KDM4D: variants seen among roughly 807,000 people sequenced by gnomAD.
The protein encoded by KDM4D is lysine demethylase 4D.
For missense variants in KDM4D, 427 were observed against 674.8 expected (o/e 0.63, Z 4.07); for synonymous variants, 254 against 249.1 (o/e 1.02, Z -0.19).
chr11:94,980,442 C>A (rs1392284875), intron 2 of KDM4D, among the ~76,000 whole-genome samples: 1 of 152,038 alleles, frequency 6.6e-6, no homozygotes, highest in Non-Finnish European at 1.5e-5. Flanking sequence ...CACAAAAATA[C>A]TTTTGGAATT....
chr11:94,984,693 TAAAAAAAA>T (rs35239329), intron 2 of KDM4D, among the ~76,000 whole-genome samples: 4 of 87,778 alleles, frequency 4.6e-5, no homozygotes, highest in Non-Finnish European at 6.8e-5. Flanking sequence ...CCATCTCTAC[TAAAAAAAA>T]AAAAAAAAAA....
rs782044576 is a variant in KDM4D, at chr11:94,997,328, A to C, written c.-45A>C. ...AAAGTAGCATTTTCCTACATTGTCA[A>C]CTATCTAGAACATACCTAAAAACTA... On this transcript the variant is annotated 5_prime_UTR_variant, in exon 3 of 3. Transcript: ENST00000335080. 2 of 1,428,652 alleles carry C rather than the reference A, an allele frequency of 1.4e-6. No individual in the cohort carries two copies. Among genetic ancestry groups the C allele is most frequent in the Non-Finnish European group, 1.9e-6 (2 of 1,078,066 alleles). 88.5% of individuals were successfully genotyped at this position (1,428,652 alleles called of 1,614,324 possible). A position where few individuals can be genotyped will look rare whatever the true frequency, so the allele number is the denominator to read the frequency against.
intron 2 of KDM4D, among the ~76,000 whole-genome samples, chr11:94,995,186 G>A (rs927711789): frequency 7.9e-5 from 12 of 152,168 alleles, no homozygotes; most frequent in African/African-American, 2.9e-4. Flanking sequence ...GATAAGTCAA[G>A]GATAGACATA....
chr11:94,974,794 T>G (rs1195691722), intron 1 of KDM4D, among the ~76,000 whole-genome samples: 1 of 152,230 alleles, frequency 6.6e-6, no homozygotes, highest in Non-Finnish European at 1.5e-5. Context: ...CTACTGCCAC[T>G]ACCCTTGCCT....
At position 94,998,606 on chromosome 11, in the gene KDM4D, A is replaced by G; in HGVS notation, c.1234A>G (p.Ser412Gly). Residue 412 changes from serine to glycine, a missense_variant, in exon 3 of 3, where the codon AGT (serine) becomes GGT (glycine). Ser to Gly is a moderately conservative substitution (Grantham distance 56). Transcript: ENST00000335080. The surrounding 1 kb of genome is among the most constrained non-coding windows in gnomAD (Gnocchi z 6.7). ...TTCACTCCCACGCCGATCTGCAGTT[A>G]GTGGCACTGCTACGCAGCCCCGGGC... ...CSSLPRRSAV[S>G]GTATQPRAAA... 6.2e-7 allele frequency: 1 copy of G among 1,614,094 alleles called. No individual in the cohort carries two copies. The highest frequency in any genetic ancestry group is 8.5e-7 in the Non-Finnish European group (1 of 1,180,024).
chr11:94,987,890 G>C (rs1857901577), intron 2 of KDM4D, among the ~76,000 whole-genome samples: 1 of 152,026 alleles, frequency 6.6e-6, no homozygotes, highest in South Asian at 2.1e-4. Context: ...AAAAGAAAAA[G>C]CATTAGGAAA....
chr11:94,989,201 T>A (rs1427782433), intron 2 of KDM4D, among the ~76,000 whole-genome samples: 3 of 152,222 alleles, frequency 2.0e-5, no homozygotes, highest in East Asian at 1.9e-4. Flanking sequence ...GGGATTTTTT[T>A]AAAAAGCTAA....
Position 94,999,041 on chromosome 11 carries a change from A to C in KDM4D, c.*97A>C. 2 of 1,205,446 alleles carry C rather than the reference A, an allele frequency of 1.7e-6. No individual in the cohort carries two copies. Among genetic ancestry groups the C allele is most frequent in the Non-Finnish European group, 2.2e-6 (2 of 910,286 alleles). The allele number at this position is 1,205,446 out of a possible 1,614,324, so 74.7% of individuals were successfully genotyped here. On this transcript the variant is annotated 3_prime_UTR_variant, in exon 3 of 3. Transcript: ENST00000335080. ...CCAAAACTTTGGTTGAGTTTGCAGG[A>C]CTCTAGGCATGCATGAAAGAGCCCC...
chr11:94,982,455 T>A (rs1555097662), intron 2 of KDM4D, among the ~76,000 whole-genome samples: 1 of 151,580 alleles, frequency 6.6e-6, no homozygotes, highest in Non-Finnish European at 1.5e-5. Context: ...TATTAAAATC[T>A]TAGATGAGTA....
intron 2 of KDM4D, among the ~76,000 whole-genome samples, chr11:94,993,515 T>C (rs587695979): frequency 1.0e-3 from 85 of 82,730 alleles, no homozygotes; most frequent in African/African-American, 2.5e-3. Context: ...TCTAAGCAGT[T>C]TTTTTTTTTT....
intron 2 of KDM4D, among the ~76,000 whole-genome samples, chr11:94,992,574 TA>T (rs781860184): frequency 2.6e-5 from 4 of 152,086 alleles, no homozygotes; most frequent in Non-Finnish European, 5.9e-5. Context: ...GTTCAGGATG[TA>T]AAATATATTT....
At chr11:94,981,188 A>G (rs1237692989) in intron 2 of KDM4D, among the ~76,000 whole-genome samples, 2 of 152,064 alleles carry the variant, frequency 1.3e-5, no homozygotes, top group Non-Finnish European at 2.9e-5. Flanking sequence ...TTACACTATT[A>G]TTTTTTAAAG....
chr11:94,983,521 G>A (rs115302723), intron 2 of KDM4D, among the ~76,000 whole-genome samples: 1 of 151,986 alleles, frequency 6.6e-6, no homozygotes, highest in Admixed American at 6.6e-5. Context: ...GGTGTGCTGA[G>A]ATAAGTTATT....
At chr11:94,975,398 A>G (rs1408375932) in intron 1 of KDM4D, among the ~76,000 whole-genome samples, 2 of 152,144 alleles carry the variant, frequency 1.3e-5, no homozygotes, top group African/African-American at 4.8e-5. Flanking sequence ...TTTTTGTTCT[A>G]AATTCCAGTT....
chr11:94,988,956 A>C (rs1315778594), intron 2 of KDM4D, among the ~76,000 whole-genome samples: 2 of 152,196 alleles, frequency 1.3e-5, no homozygotes, highest in Non-Finnish European at 1.5e-5. Context: ...AAGACTCATC[A>C]GTCTAGATTT....
At chr11:94,986,684 T>C (rs1857890788) in intron 2 of KDM4D, among the ~76,000 whole-genome samples, 1 of 152,192 alleles carries the variant, frequency 6.6e-6, no homozygotes. Context: ...AGTATTGATG[T>C]GGATGTTGAG....
At chr11:94,986,631 C>T (rs967496715) in intron 2 of KDM4D, among the ~76,000 whole-genome samples, 2 of 152,058 alleles carry the variant, frequency 1.3e-5, no homozygotes, top group Non-Finnish European at 2.9e-5. Context: ...AAAATTACGA[C>T]TTTTTACCTG....
rs1565420582 is a variant in KDM4D, at chr11:94,998,333, A to G, written c.961A>G (p.Met321Val). 2.5e-6 allele frequency: 4 copies of G among 1,614,130 alleles called. No homozygotes were observed. Among genetic ancestry groups the G allele is most frequent in the Non-Finnish European group, 3.4e-6 (4 of 1,180,004 alleles). ...TGGGGAGGCAAGGGTGACCTTTTCC[A>G]TGGATGCCTTCGTGCGCATCCTGCA... The part of the protein sequence containing the change: ...SCGEARVTFS[M>V]DAFVRILQPE... The change falls in exon 3 of 3, where the codon ATG becomes GTG. Residue 321 changes from methionine (M) to valine (V), a missense_variant. Transcript: ENST00000335080. The surrounding 1 kb of genome is among the most constrained non-coding windows in gnomAD (Gnocchi z 6.7).
intron 2 of KDM4D, among the ~76,000 whole-genome samples, chr11:94,992,826 T>C (rs996514215): frequency 2.0e-5 from 3 of 152,216 alleles, no homozygotes; most frequent in Non-Finnish European, 4.4e-5. Context: ...TAATCACTTG[T>C]CTACACAGAG....
Sources: allele counts gnomAD v4.1 joint callset (sites outside exome capture counted in the v4.1 genomes callset), GRCh38; gene constraint gnomAD v4.1.1; non-coding constraint Gnocchi (gnomAD v3.1); transcripts MANE v1.5; gene names NCBI Gene and HGNC (gene_info 2026-07-23, HGNC 2026-07-21).